The following DST variants were observed in gnomAD, a reference collection of about 807,000 sequenced individuals.
DST encodes the protein bullous pemphigoid antigen.
A neutral mutation model predicts 875.2 loss-of-function variants in DST; 253 were observed. The ratio of observed to expected loss-of-function variants is 0.29; its 90% CI spans 0.26 to 0.32. The LOEUF (loss-of-function observed/expected upper bound fraction) is 0.32. DST is among the 10% of genes least tolerant of loss of function. The pLI, the probability that DST is intolerant of heterozygous loss-of-function variation, is 1.00. For synonymous variants in DST, 3,124 were observed against 3,197.1 expected, an observed-to-expected ratio of 0.98 and a Z score of 0.77; for missense variants, 8,287 against 9,111.6, an observed-to-expected ratio of 0.91 and a Z score of 3.68.
intron 4 of DST, among the ~76,000 whole-genome samples, chr6:56,816,737 T>C (rs900792775): frequency 5.3e-5 from 8 of 152,274 alleles, no homozygotes; most frequent in African/African-American, 1.9e-4. Context: ...CGGGTTGGTC[T>C]ATGTTTCCCT....
intron 15 of DST, among the ~76,000 whole-genome samples, chr6:56,643,603 C>T (rs370996787): frequency 6.6e-6 from 1 of 152,200 alleles, no homozygotes; most frequent in Admixed American, 6.5e-5. Context: ...AGCTATTACT[C>T]GCAATACATA....
rs79728438 is a variant in DST, at chr6:56,497,449, C to T, written c.20153G>A (p.Arg6718His). Residue 6718 changes from arginine to histidine, a missense_variant, in exon 82 of 104, where the codon CGT (arginine) becomes CAT (histidine). This residue lies in a region of DST where 1,292 missense variants were observed against 1,552.7 expected (regional missense o/e 0.83). Coordinates refer to ENST00000680361, the MANE Select transcript of DST (RefSeq NM_001374736.1). ...CAGCGGTTTAGATGCCAACAGATGA[C>T]GCTCCGTGTCAGTCAGCCACTGCTG... The part of the protein sequence containing the change: ...DLQQWLTDTE[R>H]HLLASKPLGG... 1,317 of 1,613,134 alleles carry T rather than the reference C, an allele frequency of 8.2e-4. 6 individuals carry two copies. The East Asian group carries it at 0.019, about 23-fold the overall frequency.
At chr6:56,497,740 T>C (rs2095969911) in intron 81 of DST, 116 bp downstream of exon 81, 1 of 1,040,642 alleles carries the variant, frequency 9.6e-7, no homozygotes, top group Admixed American at 2.9e-5. Context: ...CACTTATTTT[T>C]ACTCCTCTCC....
At chr6:56,480,255 T>C (rs1028298605) in intron 90 of DST, among the ~76,000 whole-genome samples, 2 of 152,114 alleles carry the variant, frequency 1.3e-5, no homozygotes, top group African/African-American at 4.8e-5. Context: ...TACAGGATCC[T>C]CCTAAATGAA....
chr6:56,859,221 C>A (rs984576052), intron 3 of DST, among the ~76,000 whole-genome samples: 2 of 152,186 alleles, frequency 1.3e-5, no homozygotes, highest in Admixed American at 6.5e-5. Context: ...TTCCAAGGGA[C>A]CAAGCCTTCA....
At chr6:56,886,846 A>T (rs1784903431) in intron 3 of DST, among the ~76,000 whole-genome samples, 1 of 152,086 alleles carries the variant, frequency 6.6e-6, no homozygotes, top group South Asian at 2.1e-4. Flanking sequence ...TCATCTCCCA[A>T]AGCACAAACT....
chr6:56,645,781 C>A, intron 15 of DST, 85 bp downstream of exon 15: 1 of 1,494,514 alleles, frequency 6.7e-7, no homozygotes, highest in Non-Finnish European at 9.1e-7. Flanking sequence ...GCCAAGTAAA[C>A]AGAGGTTTAA....
In DST at chr6:56,463,672, T is replaced by G; in HGVS notation, c.22852A>C (p.Arg7618=). The G allele has an allele frequency of 6.2e-7, 1 of 1,614,004 alleles. No homozygotes were observed. Among genetic ancestry groups the G allele is most frequent in the Non-Finnish European group, 8.5e-7 (1 of 1,179,890 alleles). ...GMAAFRPRGR[R]SRPSSRGASP... ...GCGCCTCGTGATGATGGCCGGGATCTTCGGCCTCGGGGTCGGAAAGCAGCC... is the reference window on the plus strand; with the variant it reads ...GCGCCTCGTGATGATGGCCGGGATCGTCGGCCTCGGGGTCGGAAAGCAGCC... Residue 7618 remains arginine (R), a synonymous_variant, in exon 101 of 104, where the codon AGA becomes CGA. Transcript: ENST00000680361.
At chr6:56,863,261 G>A (rs995158912) in intron 3 of DST, 2 of 152,112 alleles carry the variant, frequency 1.3e-5, no homozygotes, top group African/African-American at 2.4e-5. Flanking sequence ...AAACCATCTT[G>A]TTCATTGTCC....
intron 5 of DST, among the ~76,000 whole-genome samples, chr6:56,728,432 G>A (rs533494866): frequency 8.5e-5 from 13 of 152,172 alleles, no homozygotes; most frequent in Non-Finnish European, 1.8e-4. Context: ...GGCAGGACAT[G>A]GTGGCTCACA....
At chr6:56,785,320 C>G (rs996912162) in intron 4 of DST, among the ~76,000 whole-genome samples, 1 of 152,226 alleles carries the variant, frequency 6.6e-6, no homozygotes, top group Admixed American at 6.5e-5. Context: ...AGAGGTGGAG[C>G]CTACAGAGGC....
chr6:56,683,748 A>G (rs1287273195), intron 9 of DST, among the ~76,000 whole-genome samples: 2 of 152,216 alleles, frequency 1.3e-5, no homozygotes. Context: ...AAACTTTGTC[A>G]TTTCAGAAAA....
intron 4 of DST, among the ~76,000 whole-genome samples, chr6:56,818,127 G>A (rs938426270): frequency 6.6e-6 from 1 of 152,116 alleles, no homozygotes; most frequent in African/African-American, 2.4e-5. Context: ...ATACCTGTAA[G>A]GTCCATTTTG....
At chr6:56,594,751 C>A (rs1295246321) in intron 47 of DST, among the ~76,000 whole-genome samples, 3 of 152,204 alleles carry the variant, frequency 2.0e-5, no homozygotes, top group Non-Finnish European at 4.4e-5. Flanking sequence ...AAAGAGAATC[C>A]TGGAGCTACT....
chr6:56,852,583 T>G (rs1430001226), intron 3 of DST, among the ~76,000 whole-genome samples: 1 of 152,210 alleles, frequency 6.6e-6, no homozygotes. Context: ...CCTTCCTTCT[T>G]TGTTGGGTTG....
intron 61 of DST, among the ~76,000 whole-genome samples, chr6:56,538,268 G>A (rs2097053643): frequency 6.6e-6 from 1 of 152,150 alleles, no homozygotes; most frequent in Non-Finnish European, 1.5e-5. Context: ...GGGATTACAG[G>A]TATGAGCCAA....
rs766333603 is a variant in DST, at chr6:56,900,406, C to T, written c.417+15G>A. 2.9e-5 allele frequency: 39 copies of T among 1,357,072 alleles called. No homozygotes were observed. Among genetic ancestry groups the T allele is most frequent in the Non-Finnish European group, 3.7e-5 (38 of 1,017,308 alleles). The allele number at this position is 1,357,072 out of a possible 1,614,324, so 84.1% of individuals were successfully genotyped here. On this transcript the variant is annotated intron_variant, in intron 3 of 103. Coordinates refer to ENST00000680361, the MANE Select transcript of DST (RefSeq NM_001374736.1). Reference sequence around the variant, plus strand: ...GTGAATTTAATATTTTTATAAAAGACAGTTCTCTACTTACAGGCCTCCTGA... The same window carrying T: ...GTGAATTTAATATTTTTATAAAAGATAGTTCTCTACTTACAGGCCTCCTGA...
intron 5 of DST, among the ~76,000 whole-genome samples, chr6:56,713,362 A>G (rs2152897556): frequency 6.6e-6 from 1 of 152,332 alleles, no homozygotes; most frequent in African/African-American, 2.4e-5. Flanking sequence ...GGCTTTTGTC[A>G]AATGAGCTAT....
chr6:56,660,196 G>A (rs755404392), intron 10 of DST, among the ~76,000 whole-genome samples: 1 of 152,182 alleles, frequency 6.6e-6, no homozygotes, highest in Admixed American at 6.5e-5. Context: ...CTGAAGTATC[G>A]CTTTCTCTGG....
Sources: allele counts gnomAD v4.1 joint callset (sites outside exome capture counted in the v4.1 genomes callset), GRCh38; gene constraint gnomAD v4.1.1; regional missense constraint gnomAD v4.1.1; transcripts MANE v1.5; gene names NCBI Gene and HGNC (gene_info 2026-07-23, HGNC 2026-07-21).